The following RPGRIP1L variants were observed in gnomAD, a reference collection of about 807,000 sequenced individuals.
The protein encoded by RPGRIP1L is RPGRIP1 like.
RPGRIP1L carries 131 observed loss-of-function variants against 160.4 expected under a neutral mutation model. That is an observed-to-expected ratio of 0.82 (90% CI 0.71 to 0.94). The LOEUF is 0.94. RPGRIP1L is among the 40% of genes least tolerant of loss of function. The probability of loss-of-function intolerance (pLI) is 0.00; values close to 1 mark genes in which losing one functional copy is unlikely to be tolerated. For synonymous variants in RPGRIP1L, 510 were observed against 515.8 expected (o/e 0.99, Z 0.15); for missense variants, 1,522 against 1,535.8 (o/e 0.99, Z 0.15).
At chr16:53,685,515 T>G (rs927183005) in intron 6 of RPGRIP1L, among the ~76,000 whole-genome samples, 1 of 152,222 alleles carries the variant, frequency 6.6e-6, no homozygotes, top group East Asian at 1.9e-4. Flanking sequence ...CATGGAATAC[T>G]ATGCAGCCAT....
Position 53,696,185 on chromosome 16 carries a change from G to A in RPGRIP1L, c.196C>T (p.Gln66Ter), listed in dbSNP as rs751444506. The A allele has an allele frequency of 3.1e-6, 5 of 1,613,842 alleles. No homozygotes were observed. The highest frequency in any genetic ancestry group is 3.4e-6 in the Non-Finnish European group (4 of 1,179,980). The change falls in exon 3 of 27, where the codon CAG becomes TAG. Residue 66 changes from glutamine (Q) to a stop codon, truncating the protein, a stop_gained. Transcript: ENST00000647211. LOFTEE classifies it high-confidence loss of function. ...RLHDENILLK[Q>*]HARKQEDKIK... The stretch of plus-strand genomic sequence containing the variant: ...TTATCCTCCTGCTTGCGGGCATGCT[G>A]TTTAAGTAAAATGTTCTCATCATGC...
chr16:53,684,247 A>G (rs1277418980), intron 6 of RPGRIP1L, among the ~76,000 whole-genome samples: 2 of 152,210 alleles, frequency 1.3e-5, no homozygotes, highest in Non-Finnish European at 2.9e-5. Flanking sequence ...TACTGGGTAT[A>G]TACCCAAAGG....
At chr16:53,694,982 T>C (rs1164298973) in intron 3 of RPGRIP1L, 1 of 221,872 alleles carries the variant, frequency 4.5e-6, no homozygotes, top group East Asian at 9.6e-5. Context: ...GGCTTGAACA[T>C]ACATACCACA....
At chr16:53,680,641 G>C (rs980516605) in intron 6 of RPGRIP1L, among the ~76,000 whole-genome samples, 8 of 152,166 alleles carry the variant, frequency 5.3e-5, no homozygotes, top group African/African-American at 1.9e-4. Flanking sequence ...ATTAGATGCT[G>C]TGGCTGTATC....
At chr16:53,700,928 A>G (rs902909335) in intron 1 of RPGRIP1L, among the ~76,000 whole-genome samples, 198 bp from the exon 2 acceptor site, 2 of 152,212 alleles carry the variant, frequency 1.3e-5, no homozygotes, top group Admixed American at 1.3e-4. Context: ...GTTCCTTTCA[A>G]CAGTGTATTT....
chr16:53,651,423 CAG>C (rs1966852261), intron 15 of RPGRIP1L, among the ~76,000 whole-genome samples: 1 of 152,148 alleles, frequency 6.6e-6, no homozygotes, highest in African/African-American at 2.4e-5. Context: ...CCACAGCACT[CAG>C]GGTGATTTTT....
chr16:53,615,390 C>T (rs1964298600), intron 24 of RPGRIP1L, among the ~76,000 whole-genome samples: 1 of 150,000 alleles, frequency 6.7e-6, no homozygotes, highest in African/African-American at 2.5e-5. Context: ...ATGTTTTGTT[C>T]CTGCTACCAC....
At chr16:53,681,969 A>G (rs545763153) in intron 6 of RPGRIP1L, among the ~76,000 whole-genome samples, 38 of 152,308 alleles carry the variant, frequency 2.5e-4, no homozygotes, top group Admixed American at 1.8e-3. Context: ...TCTACAGTAA[A>G]TTATACCAAG....
chr16:53,685,825 GT>G, intron 6 of RPGRIP1L, among the ~76,000 whole-genome samples: 1 of 152,140 alleles, frequency 6.6e-6, no homozygotes, highest in East Asian at 1.9e-4. Flanking sequence ...ATTTATCTAT[GT>G]AACAAACCTA....
intron 22 of RPGRIP1L, among the ~76,000 whole-genome samples, chr16:53,626,885 TTGTC>T (rs551135193): frequency 8.4e-4 from 128 of 152,172 alleles, no homozygotes; most frequent in African/African-American, 3.0e-3. Context: ...TTATTTTTAG[TTGTC>T]TGTATAGATG....
At chr16:53,671,713 G>A in intron 8 of RPGRIP1L, 130 bp from the exon 9 acceptor site, 1 of 563,560 alleles carries the variant, frequency 1.8e-6, no homozygotes, top group Non-Finnish European at 3.1e-6. Context: ...AATGGTAGCT[G>A]CTAACCAGAC....
Position 53,686,464 on chromosome 16 carries a change from GA to G in RPGRIP1L, c.744del (p.Gln249SerfsTer18). 6.2e-7 allele frequency: 1 copy of G among 1,613,478 alleles called. No homozygotes were observed. The highest frequency in any genetic ancestry group is 8.5e-7 in the Non-Finnish European group (1 of 1,179,726). On this transcript the variant is annotated frameshift_variant, in exon 6 of 27. Coordinates refer to ENST00000647211, the MANE Select transcript of RPGRIP1L (RefSeq NM_015272.5). LOFTEE classifies it high-confidence loss of function. ...RKENEIELSL[L>X]QLREQQATDQ... ...TCTGTAGCTTGCTGTTCTCGAAGCT[GA>G]AGAAGAGATAACTCAATTTCATTTT...
At chr16:53,625,521 AG>A (rs1160696887) in intron 22 of RPGRIP1L, among the ~76,000 whole-genome samples, 20 of 84,670 alleles carry the variant, frequency 2.4e-4, no homozygotes, top group South Asian at 1.4e-3. Context: ...CTAGGGGGTG[AG>A]GGGGGGGCGC....
chr16:53,659,015 C>A, intron 10 of RPGRIP1L, 137 bp from the exon 11 acceptor site: 1 of 715,248 alleles, frequency 1.4e-6, no homozygotes, highest in Non-Finnish European at 2.4e-6. Context: ...TGAGCTAGCA[C>A]CTCGACAAAG....
At chr16:53,684,029 A>G (rs200946973) in intron 6 of RPGRIP1L, among the ~76,000 whole-genome samples, 1 of 152,214 alleles carries the variant, frequency 6.6e-6, no homozygotes, top group South Asian at 2.1e-4. Context: ...AAACTACAAA[A>G]ACTCTAGAAG....
rs777640910 is a variant in RPGRIP1L, at chr16:53,672,901, G to A, written c.998C>T (p.Ser333Phe). 1.2e-6 allele frequency: 2 copies of A among 1,612,864 alleles called. No individual in the cohort carries two copies. The highest frequency in any genetic ancestry group is 2.2e-5 in the South Asian group (2 of 91,028). Residue 333 changes from serine to phenylalanine, a missense_variant, in exon 8 of 27, where the codon TCT becomes TTT. Physicochemically the swap from Ser to Phe is radical, Grantham distance 155 (BLOSUM62 -2). Transcript: ENST00000647211. ...TATTCTTCTTTCAGAAAACTTCATA[G>A]AATGTAATTGTTTCTCAAGACTGCA... ...KCCSLEKQLH[S>F]MKFSERRIEE...
Position 53,636,514 on chromosome 16 carries a change from T to C in RPGRIP1L, c.3221-2A>G, listed in dbSNP as rs200448428. ...CAGAAGCTGACATGTCCTCTTCAAC[T>C]GTTTAAAAAATAAAAGGGTAACATT... On this transcript the variant is annotated splice_acceptor_variant, in intron 21 of 26. Coordinates refer to ENST00000647211, the MANE Select transcript of RPGRIP1L (RefSeq NM_015272.5). LOFTEE classifies it high-confidence loss of function. The C allele has an allele frequency of 6.2e-6, 10 of 1,607,124 alleles. No homozygotes were observed. The East Asian group carries it at 2.0e-4, about 32-fold the overall frequency.
chr16:53,652,028 G>A (rs1434993810), intron 15 of RPGRIP1L, among the ~76,000 whole-genome samples: 2 of 151,894 alleles, frequency 1.3e-5, no homozygotes, highest in Non-Finnish European at 2.9e-5. Context: ...AACATCTGAA[G>A]TTACAAGTTT....
intron 6 of RPGRIP1L, among the ~76,000 whole-genome samples, chr16:53,680,532 T>C (rs1969524239): frequency 6.6e-6 from 1 of 151,974 alleles, no homozygotes; most frequent in Non-Finnish European, 1.5e-5. Flanking sequence ...GACTGGATCC[T>C]AGATCAAAAG....
Sources: gnomAD v4.1 joint callset for allele counts (sites outside exome capture counted in the v4.1 genomes callset) on GRCh38, gnomAD v4.1.1 for gene constraint, MANE v1.5 for transcripts, NCBI Gene and HGNC (gene_info 2026-07-23, HGNC 2026-07-21) for gene names.